The following FRYL variants were observed in gnomAD, a reference collection of about 807,000 sequenced individuals.
The protein encoded by FRYL is FRY like transcription coactivator, also known as protein furry homolog-like.
FRYL carries 150 observed loss-of-function variants against 351.2 expected under a neutral mutation model. The observed-to-expected ratio is 0.43, with a 90% CI of 0.37 to 0.49. FRYL has a LOEUF of 0.49. Among genes scored for constraint, FRYL ranks in the 20% least tolerant of loss-of-function variants. FRYL has a pLI of 0.00. For missense variants in FRYL, 3,036 were observed against 3,619.3 expected, an observed-to-expected ratio of 0.84 and a Z score of 4.13; for synonymous variants, 1,153 against 1,257.1, an observed-to-expected ratio of 0.92 and a Z score of 1.75.
Position 48,561,520 on chromosome 4 carries a change from CA to C in FRYL, c.3812del (p.Leu1271CysfsTer5). The C allele has an allele frequency of 6.2e-7, 1 of 1,611,296 alleles. No individual in the cohort carries two copies. The highest frequency in any genetic ancestry group is 1.3e-5 in the African/African-American group (1 of 74,992). ...GATACGCCCTTGCTAGTTCCTCGGA[CA>C]ACTGATAATATGAAACAGAATAGAG... ...PHLYSVSYYQ[L>X]SEELARAYPE... On this transcript the variant is annotated frameshift_variant, in exon 33 of 64. Transcript: ENST00000358350. LOFTEE classifies it high-confidence loss of function.
intron 7 of FRYL, among the ~76,000 whole-genome samples, chr4:48,610,575 G>T (rs1174841090): frequency 6.7e-6 from 1 of 148,222 alleles, no homozygotes; most frequent in Non-Finnish European, 1.5e-5. Context: ...ATCACAATTT[G>T]ATATGTATAT....
rs567275279 is a variant in FRYL, at chr4:48,498,758, C to G, written c.*664G>C. Reference sequence around the variant, plus strand: ...CTTGCAGTGCTCTTTTAGGCATGCTCTGAGACGTTATCACCAAACATCCAT... The same window carrying G: ...CTTGCAGTGCTCTTTTAGGCATGCTGTGAGACGTTATCACCAAACATCCAT... On this transcript the variant is annotated 3_prime_UTR_variant, in exon 64 of 64. Coordinates refer to ENST00000358350, the MANE Select transcript of FRYL (RefSeq NM_015030.2). The G allele has an allele frequency of 6.6e-6, 1 of 152,562 alleles. No homozygotes were observed. The highest frequency in any genetic ancestry group is 1.5e-5 in the Non-Finnish European group (1 of 68,062). 9.5% of individuals were successfully genotyped at this position (152,562 alleles called of 1,614,324 possible).
intron 4 of FRYL, among the ~76,000 whole-genome samples, chr4:48,629,899 T>G (rs1432241657): frequency 2.0e-5 from 3 of 152,136 alleles, no homozygotes; most frequent in Non-Finnish European, 4.4e-5. Flanking sequence ...ATTTAGACCC[T>G]CCCTTTCACT....
intron 2 of FRYL, among the ~76,000 whole-genome samples, chr4:48,697,782 A>G (rs1401114142): frequency 6.6e-6 from 1 of 152,246 alleles, no homozygotes; most frequent in Non-Finnish European, 1.5e-5. Context: ...TACTTTTAAA[A>G]AGCTTCATAG....
intron 3 of FRYL, among the ~76,000 whole-genome samples, chr4:48,669,860 T>A (rs1762361986): frequency 6.6e-6 from 1 of 151,946 alleles, no homozygotes; most frequent in African/African-American, 2.4e-5. Context: ...ATAATATACA[T>A]CCGTGTAACT....
chr4:48,551,723 A>G (rs902810700), intron 36 of FRYL, 145 bp from the exon 37 acceptor site: 13 of 563,482 alleles, frequency 2.3e-5, no homozygotes, highest in Admixed American at 3.4e-5. Context: ...CATAATGACC[A>G]AAAGGGAAAG....
intron 1 of FRYL, among the ~76,000 whole-genome samples, chr4:48,733,147 C>T (rs1428780176): frequency 2.0e-5 from 3 of 151,358 alleles, no homozygotes; most frequent in South Asian, 2.1e-4. Flanking sequence ...TGGTGGTAGG[C>T]GCCTGTAATC....
intron 19 of FRYL, among the ~76,000 whole-genome samples, chr4:48,585,869 C>T (rs1467457371): frequency 6.6e-6 from 1 of 152,126 alleles, no homozygotes; most frequent in Non-Finnish European, 1.5e-5. Context: ...TTGAAATGTA[C>T]AACAGATTAT....
At chr4:48,665,931 A>G (rs1348034401) in intron 3 of FRYL, among the ~76,000 whole-genome samples, 7 of 152,242 alleles carry the variant, frequency 4.6e-5, no homozygotes, top group Non-Finnish European at 1.0e-4. Flanking sequence ...CTTTACCATT[A>G]AAGCCACCTT....
intron 27 of FRYL, among the ~76,000 whole-genome samples, chr4:48,570,291 C>T (rs1315923440): frequency 6.6e-6 from 1 of 152,158 alleles, no homozygotes; most frequent in Non-Finnish European, 1.5e-5. Context: ...GATGCCTTTA[C>T]TGCGGCAATA....
In FRYL at chr4:48,707,581, A is replaced by G. The variant is rs201849070; in HGVS notation, c.-204+2938T>C. Among the ~76,000 whole-genome samples the G allele has an allele frequency of 2.5e-4, 38 of 152,264 alleles. 1 individual carries two copies. In the East Asian group the frequency reaches 5.2e-3, roughly 21 times the overall value. On this transcript the variant is annotated intron_variant, in intron 2 of 63. Transcript: ENST00000358350. ...AATAAAAACTTTAAATAAATAAGACAAAAAGTTTATTTTACAGACACTAGA... is the reference window on the plus strand; with the variant it reads ...AATAAAAACTTTAAATAAATAAGACGAAAAGTTTATTTTACAGACACTAGA...
intron 26 of FRYL, chr4:48,571,851 C>G: frequency 1.0e-6 from 1 of 985,328 alleles, no homozygotes; most frequent in South Asian, 4.7e-5. Context: ...TCAACTATAA[C>G]TCACATTCAA....
At chr4:48,651,007 G>A (rs1377556103) in intron 3 of FRYL, among the ~76,000 whole-genome samples, 1 of 152,072 alleles carries the variant, frequency 6.6e-6, no homozygotes, top group Non-Finnish European at 1.5e-5. Context: ...TACCATCATG[G>A]AGAGCATCCT....
intron 2 of FRYL, among the ~76,000 whole-genome samples, chr4:48,688,257 C>T (rs575889918): frequency 6.1e-4 from 93 of 152,260 alleles, no homozygotes; most frequent in Non-Finnish European, 1.1e-3. Context: ...ACCAAAATGA[C>T]ACAAGTGTTC....
At chr4:48,575,322 T>C (rs1200423720) in intron 24 of FRYL, 81 bp from the exon 25 acceptor site, 7 of 1,437,560 alleles carry the variant, frequency 4.9e-6, no homozygotes, top group East Asian at 2.3e-5. Context: ...AGTAGTCTTA[T>C]GTCAAGGATA....
intron 1 of FRYL, among the ~76,000 whole-genome samples, chr4:48,729,391 C>T (rs552912875): frequency 6.6e-6 from 1 of 152,334 alleles, no homozygotes; most frequent in Non-Finnish European, 1.5e-5. Context: ...AGCTGTTCTC[C>T]CAGCACGGTG....
chr4:48,560,344 G>A (rs1470861523), intron 33 of FRYL, among the ~76,000 whole-genome samples: 1 of 152,176 alleles, frequency 6.6e-6, no homozygotes, highest in Non-Finnish European at 1.5e-5. Context: ...CAGGTTGAGA[G>A]GCTGTTTTGG....
chr4:48,516,010 C>A (rs1232331070), intron 55 of FRYL, among the ~76,000 whole-genome samples: 1 of 152,028 alleles, frequency 6.6e-6, no homozygotes, highest in Non-Finnish European at 1.5e-5. Flanking sequence ...TGTGGGGCTG[C>A]CACACAGCAG....
At chr4:48,563,295 A>T (rs1735937091) in intron 31 of FRYL, among the ~76,000 whole-genome samples, 1 of 151,744 alleles carries the variant, frequency 6.6e-6, no homozygotes, top group Non-Finnish European at 1.5e-5. Context: ...AAAAAAAAAA[A>T]TCCATGCATA....
Sources: allele counts gnomAD v4.1 joint callset (sites outside exome capture counted in the v4.1 genomes callset), GRCh38; gene constraint gnomAD v4.1.1; transcripts MANE v1.5; gene names NCBI Gene and HGNC (gene_info 2026-07-23, HGNC 2026-07-21).